ACTN4: variants seen among roughly 807,000 people sequenced by gnomAD.
ACTN4 encodes the protein alpha-actinin-4.
In ACTN4, 18 loss-of-function variants were observed where a neutral mutation model predicts 114.2. That is an observed-to-expected ratio of 0.16 (90% CI 0.11 to 0.23). ACTN4 has a LOEUF of 0.23. ACTN4 is among the 10% of genes least tolerant of loss of function. The pLI, the probability that ACTN4 is intolerant of heterozygous loss-of-function variation, is 1.00. For missense variants in ACTN4, 722 were observed against 1,262.9 expected (o/e 0.57, Z 6.49); for synonymous variants, 515 against 506.3 (o/e 1.02, Z -0.23).
At chr19:38,697,462 G>A (rs1968132483) in intron 1 of ACTN4, among the ~76,000 whole-genome samples, 1 of 152,216 alleles carries the variant, frequency 6.6e-6, no homozygotes, top group Non-Finnish European at 1.5e-5. Context: ...AATTCTTAGA[G>A]CACACTGCAG....
rs139708119 is a variant in ACTN4 at position 38,674,478 on chromosome 19, G to A, written c.163-26122G>A. The stretch of plus-strand genomic sequence containing the variant: ...ACAGTGAAAAAAGAACTTCCCAGCC[G>A]AGTGGAATGCCGTGGAGCATATCTG... On this transcript the variant is annotated intron_variant, in intron 1 of 20. Transcript: ENST00000252699. 9.1e-4 allele frequency among the ~76,000 whole-genome samples: 138 copies of A among 152,282 alleles called. 1 individual carries two copies. The East Asian group carries it at 0.021, about 23-fold the overall frequency.
chr19:38,715,696 CA>C (rs1968816111), intron 9 of ACTN4, among the ~76,000 whole-genome samples: 1 of 152,286 alleles, frequency 6.6e-6, no homozygotes, highest in South Asian at 2.1e-4. Context: ...TTACCACCAG[CA>C]CTTCTAACAC....
At position 38,731,084 on chromosome 19, in the gene ACTN4, C is replaced by T. The variant is rs1377951298; in HGVS notation, c.*1652C>T. 1.8e-6 allele frequency: 2 copies of T among 1,098,162 alleles called. No individual in the cohort carries two copies. The highest frequency in any genetic ancestry group is 2.6e-6 in the Non-Finnish European group (2 of 779,052). The allele number at this position is 1,098,162 out of a possible 1,614,324, so 68.0% of individuals were successfully genotyped here. A position where few individuals can be genotyped will look rare whatever the true frequency, so the allele number is the denominator to read the frequency against. On this transcript the variant is annotated 3_prime_UTR_variant, in exon 21 of 21. Coordinates refer to ENST00000252699, the MANE Select transcript of ACTN4 (RefSeq NM_004924.6). ...CCCCGTACCCCTTCCCCCCATGCCC[C>T]ACCATGCCGGGGTGGTACTCACAGA...
intron 8 of ACTN4, chr19:38,710,697 C>T (rs1017321235): frequency 5.3e-6 from 2 of 374,034 alleles, no homozygotes; most frequent in Admixed American, 3.8e-5. Flanking sequence ...CTGGGGTGAC[C>T]TTCAGCTGGT....
Position 38,725,804 on chromosome 19 carries a change from C to T in ACTN4, c.2091C>T (p.Ile697=), listed in dbSNP as rs541118905. ...ACCTGAAGCAGTATGAACGCAGCAT[C>T]GTGGACTACAAGCCCAACCTGGACC... ...LSHLKQYERS[I]VDYKPNLDLL... is the part of the protein sequence containing the mutation. Residue 697 remains isoleucine (I), a synonymous_variant, in exon 17 of 21, where the codon ATC becomes ATT. Coordinates refer to ENST00000252699, the MANE Select transcript of ACTN4 (RefSeq NM_004924.6). 323 of 1,614,168 alleles carry T rather than the reference C, an allele frequency of 2.0e-4. 7 individuals carry two copies. The South Asian group carries it at 3.4e-3, about 17-fold the overall frequency.
At chr19:38,696,610 G>A (rs938237838) in intron 1 of ACTN4, among the ~76,000 whole-genome samples, 22 of 152,192 alleles carry the variant, frequency 1.4e-4, no homozygotes, top group African/African-American at 5.1e-4. Context: ...CGTCATGGTC[G>A]ACCTGTTCCC....
intron 1 of ACTN4, among the ~76,000 whole-genome samples, chr19:38,700,243 G>A (rs1024491908): frequency 3.9e-5 from 6 of 152,170 alleles, no homozygotes; most frequent in Non-Finnish European, 8.8e-5. Context: ...GCGGGCTGAG[G>A]CGCTTTTGTC....
At chr19:38,660,169 G>A (rs774654556) in intron 1 of ACTN4, among the ~76,000 whole-genome samples, 6 of 152,078 alleles carry the variant, frequency 3.9e-5, no homozygotes, top group South Asian at 4.1e-4. Flanking sequence ...TCATCCACCC[G>A]CTTTGGCCTC....
At chr19:38,649,288 C>A (rs976177287) in intron 1 of ACTN4, among the ~76,000 whole-genome samples, 36 of 99,968 alleles carry the variant, frequency 3.6e-4, no homozygotes, top group African/African-American at 1.4e-3. Flanking sequence ...GGGGATAAAT[C>A]CAGTGTGGTT....
chr19:38,648,251 G>T (rs73933037), intron 1 of ACTN4: 2,766 of 215,342 alleles, frequency 0.013, 72 homozygotes, highest in African/African-American at 0.059. Context: ...ATCCGAGGCG[G>T]GCTTGAAGGG....
intron 3 of ACTN4, among the ~76,000 whole-genome samples, chr19:38,704,388 G>T (rs1190987104): frequency 6.6e-6 from 1 of 152,256 alleles, no homozygotes; most frequent in Non-Finnish European, 1.5e-5. Context: ...ATTGAGCTCT[G>T]GAGATGACAG....
intron 19 of ACTN4, 147 bp from the exon 20 acceptor site, chr19:38,728,849 G>A: frequency 9.7e-7 from 1 of 1,029,054 alleles, no homozygotes; most frequent in Non-Finnish European, 1.5e-6. Flanking sequence ...GGCCAAGGCT[G>A]CTGGAGCAGG....
At chr19:38,672,938 C>T (rs1309278201) in intron 1 of ACTN4, among the ~76,000 whole-genome samples, 1 of 149,600 alleles carries the variant, frequency 6.7e-6, no homozygotes, top group Admixed American at 6.7e-5. Context: ...GGTTGGCCAT[C>T]CATTCTTTTT....
intron 8 of ACTN4, among the ~76,000 whole-genome samples, chr19:38,712,706 G>A (rs1036465717): frequency 6.6e-6 from 1 of 152,020 alleles, no homozygotes; most frequent in African/African-American, 2.4e-5. Flanking sequence ...TGGACGATTC[G>A]TCACCACAGA....
At chr19:38,718,892 G>T (rs1968937545) in intron 11 of ACTN4, among the ~76,000 whole-genome samples, 1 of 152,198 alleles carries the variant, frequency 6.6e-6, no homozygotes, top group Non-Finnish European at 1.5e-5. Context: ...AGGAGGGCCT[G>T]CCTCCTGGGC....
intron 11 of ACTN4, among the ~76,000 whole-genome samples, chr19:38,719,397 C>A (rs1968959235): frequency 6.6e-6 from 1 of 152,260 alleles, no homozygotes; most frequent in South Asian, 2.1e-4. Context: ...GGCCTGCAGC[C>A]CTGGCCACGG....
chr19:38,652,735 A>G (rs1365423198), intron 1 of ACTN4, among the ~76,000 whole-genome samples: 2 of 152,176 alleles, frequency 1.3e-5, no homozygotes, highest in South Asian at 4.1e-4. Context: ...TGGTGTGTGA[A>G]TATCCAAGTA....
Position 38,730,815 on chromosome 19 carries a change from C to A in ACTN4, c.*1383C>A. ...CTAGGGAGGTGGTCTTGCTCAGCAACCCTGCCCTGAGCAGCAGGTGCGCCC... is the reference window on the plus strand; with the variant it reads ...CTAGGGAGGTGGTCTTGCTCAGCAAACCTGCCCTGAGCAGCAGGTGCGCCC... On this transcript the variant is annotated 3_prime_UTR_variant, in exon 21 of 21. Transcript: ENST00000252699. 2 of 1,550,140 alleles carry A rather than the reference C, an allele frequency of 1.3e-6. No individual in the cohort carries two copies. The highest frequency in any genetic ancestry group is 1.7e-6 in the Non-Finnish European group (2 of 1,146,860).
chr19:38,708,382 C>T (rs1291213342), intron 6 of ACTN4, among the ~76,000 whole-genome samples, 187 bp downstream of exon 6: 2 of 152,190 alleles, frequency 1.3e-5, no homozygotes, highest in East Asian at 3.9e-4. Context: ...ACTCTCACCT[C>T]CCTTATTCCC....
Sources: gnomAD v4.1 joint callset for allele counts (sites outside exome capture counted in the v4.1 genomes callset) on GRCh38, gnomAD v4.1.1 for gene constraint, MANE v1.5 for transcripts, NCBI Gene and HGNC (gene_info 2026-07-23, HGNC 2026-07-21) for gene names.